Variants in ULK4 observed in about 807,000 individuals in gnomAD.
ULK4 encodes inactive serine/threonine-protein kinase ULK4.
A neutral mutation model predicts 160.6 loss-of-function variants in ULK4; 133 were observed. The ratio of observed to expected loss-of-function variants is 0.83; its 90% CI spans 0.72 to 0.96. The LOEUF is 0.96. Among genes scored for constraint, ULK4 ranks in the 40% least tolerant of loss-of-function variants. The probability of loss-of-function intolerance (pLI) is 0.00; values close to 1 mark genes in which losing one functional copy is unlikely to be tolerated. For missense variants in ULK4, 1,580 were observed against 1,499.5 expected (o/e 1.05, Z -0.89); for synonymous variants, 534 against 539.8 (o/e 0.99, Z 0.15).
At chr3:41,750,333 G>C (rs1232496449) in intron 22 of ULK4, among the ~76,000 whole-genome samples, 3 of 152,124 alleles carry the variant, frequency 2.0e-5, no homozygotes, top group African/African-American at 7.2e-5. Flanking sequence ...TCTCATTTGA[G>C]TACAGTATCA....
At chr3:41,824,162 T>TCAAA (rs2041251246) in intron 18 of ULK4, among the ~76,000 whole-genome samples, 1 of 82,920 alleles carries the variant, frequency 1.2e-5, no homozygotes, top group African/African-American at 1.1e-4. Flanking sequence ...GACTCTATCT[T>TCAAA]TAAAAAAAAA....
At chr3:41,460,672 A>G (rs914704106) in intron 33 of ULK4, among the ~76,000 whole-genome samples, 9 of 152,154 alleles carry the variant, frequency 5.9e-5, no homozygotes, top group African/African-American at 2.2e-4. Context: ...GTCATGGCCC[A>G]CAGGAGGCCC....
At chr3:41,699,632 T>C (rs1447040848) in intron 27 of ULK4, among the ~76,000 whole-genome samples, 1 of 152,234 alleles carries the variant, frequency 6.6e-6, no homozygotes, top group Non-Finnish European at 1.5e-5. Context: ...TAAGAGCTCG[T>C]GCTCAGCAAG....
intron 35 of ULK4, chr3:41,258,307 A>C (rs1297339958): frequency 6.6e-6 from 1 of 152,192 alleles, no homozygotes; most frequent in Non-Finnish European, 1.5e-5. Context: ...GAAACCCACA[A>C]AGAAATCTCC....
intron 32 of ULK4, among the ~76,000 whole-genome samples, chr3:41,518,479 C>T (rs2085822665): frequency 6.6e-6 from 1 of 152,214 alleles, no homozygotes; most frequent in South Asian, 2.1e-4. Flanking sequence ...TAGAACACTT[C>T]ACCCATGAAG....
chr3:41,616,858 G>A (rs533001479), intron 30 of ULK4, among the ~76,000 whole-genome samples: 7 of 152,142 alleles, frequency 4.6e-5, no homozygotes, highest in Non-Finnish European at 8.8e-5. Context: ...CCACTCCCAC[G>A]GAGCCCAGCA....
At chr3:41,474,819 A>AT (rs1559630248) in intron 32 of ULK4, among the ~76,000 whole-genome samples, 1 of 100,764 alleles carries the variant, frequency 9.9e-6, no homozygotes, top group Non-Finnish European at 1.9e-5. Context: ...AATGATTATT[A>AT]TTAAAAAAAA....
chr3:41,823,985 A>G (rs1414892894), intron 18 of ULK4, among the ~76,000 whole-genome samples: 1 of 152,138 alleles, frequency 6.6e-6, no homozygotes, highest in East Asian at 1.9e-4. Context: ...CAATGTGGCG[A>G]AACACCATTT....
intron 32 of ULK4, among the ~76,000 whole-genome samples, chr3:41,480,822 T>C (rs1429602382): frequency 6.6e-6 from 1 of 152,164 alleles, no homozygotes; most frequent in Admixed American, 6.5e-5. Flanking sequence ...CTTCTTCACA[T>C]GGCAGTGGCA....
intron 21 of ULK4, among the ~76,000 whole-genome samples, chr3:41,782,097 T>A (rs2039859843): frequency 6.6e-6 from 1 of 152,142 alleles, no homozygotes; most frequent in African/African-American, 2.4e-5. Flanking sequence ...TGGGGCTGCC[T>A]CGCCATTATT....
At chr3:41,538,536 G>A (rs539705497) in intron 32 of ULK4, among the ~76,000 whole-genome samples, 9 of 152,026 alleles carry the variant, frequency 5.9e-5, no homozygotes, top group Non-Finnish European at 1.2e-4. Context: ...GGGTCCCAGG[G>A]TGCTATTTAA....
At chr3:41,562,708 G>A (rs1261450116) in intron 32 of ULK4, among the ~76,000 whole-genome samples, 1 of 151,598 alleles carries the variant, frequency 6.6e-6, no homozygotes, top group Non-Finnish European at 1.5e-5. Flanking sequence ...CTTTCCATTT[G>A]CTTGGTAGAT....
chr3:41,541,822 T>C (rs967522058), intron 32 of ULK4, among the ~76,000 whole-genome samples: 2 of 151,766 alleles, frequency 1.3e-5, no homozygotes, highest in East Asian at 3.9e-4. Flanking sequence ...TGATTTTGGC[T>C]GTTATTGGTG....
chr3:41,773,167 G>A (rs1349974835), intron 21 of ULK4, among the ~76,000 whole-genome samples: 2 of 152,128 alleles, frequency 1.3e-5, no homozygotes, highest in East Asian at 1.9e-4. Flanking sequence ...GCACAAGACA[G>A]GGATGCCCTC....
At chr3:41,783,049 A>C (rs1363063137) in intron 21 of ULK4, among the ~76,000 whole-genome samples, 1 of 152,046 alleles carries the variant, frequency 6.6e-6, no homozygotes, top group Admixed American at 6.6e-5. Context: ...AAAAAGACTA[A>C]TAGCATGACA....
intron 32 of ULK4, among the ~76,000 whole-genome samples, chr3:41,547,256 A>G (rs2086894902): frequency 6.6e-6 from 1 of 152,200 alleles, no homozygotes. Context: ...GGATTTCAAG[A>G]TGGCTGACTA....
intron 34 of ULK4, among the ~76,000 whole-genome samples, chr3:41,415,787 CATTT>C (rs1311534153): frequency 6.6e-6 from 1 of 152,106 alleles, no homozygotes; most frequent in Admixed American, 6.5e-5. Flanking sequence ...CATGTCTATT[CATTT>C]GTCTCAGCCC....
intron 35 of ULK4, among the ~76,000 whole-genome samples, chr3:41,380,556 T>C (rs2081626854): frequency 6.6e-6 from 1 of 151,504 alleles, no homozygotes; most frequent in Admixed American, 6.6e-5. Context: ...GAATCAGGAG[T>C]CATCCCAGAA....
chr3:41,958,081 A>C (rs1700546072), intron 1 of ULK4, among the ~76,000 whole-genome samples: 1 of 151,728 alleles, frequency 6.6e-6, no homozygotes, highest in Admixed American at 6.6e-5. Context: ...CCTCAAATAC[A>C]TACAATTACT....
Sources: gnomAD v4.1 joint callset for allele counts (sites outside exome capture counted in the v4.1 genomes callset) on GRCh38, gnomAD v4.1.1 for gene constraint, MANE v1.5 for transcripts, NCBI Gene and HGNC (gene_info 2026-07-23, HGNC 2026-07-21) for gene names.